TPD52: variants seen among roughly 807,000 people sequenced by gnomAD.
TPD52 encodes the protein prostate and colon associated protein.
TPD52 carries 17 observed loss-of-function variants against 31.3 expected under a neutral mutation model. That is an observed-to-expected ratio of 0.54 (90% CI 0.37 to 0.82). The LOEUF (loss-of-function observed/expected upper bound fraction) is 0.82. TPD52 is among the 40% of genes least tolerant of loss of function. TPD52 has a pLI of 0.00. For missense variants in TPD52, 212 were observed against 240.1 expected, an observed-to-expected ratio of 0.88 and a Z score of 0.77; for synonymous variants, 83 against 89.6, an observed-to-expected ratio of 0.93 and a Z score of 0.42.
At chr8:80,067,423 C>T (rs1813282791) in intron 1 of TPD52, 1 of 152,060 alleles carries the variant, frequency 6.6e-6, no homozygotes, top group African/African-American at 2.4e-5. Context: ...CCAAAATCAC[C>T]AGCAAAACAT....
chr8:80,072,365 GTACACATAGA>G (rs1563598016), intron 1 of TPD52, among the ~76,000 whole-genome samples: 2 of 141,670 alleles, frequency 1.4e-5, no homozygotes, highest in South Asian at 2.2e-4. Context: ...GTATATACAT[GTACACATAGA>G]TATGCGTGTA....
intron 1 of TPD52, among the ~76,000 whole-genome samples, chr8:80,115,914 T>C (rs901308581): frequency 2.0e-5 from 3 of 152,178 alleles, no homozygotes; most frequent in African/African-American, 7.2e-5. Flanking sequence ...TTGGAAGACA[T>C]ATGACAAAGG....
chr8:80,161,051 A>AGCGAGACTCTGT (rs1811329620), intron 1 of TPD52, among the ~76,000 whole-genome samples: 1 of 152,140 alleles, frequency 6.6e-6, no homozygotes. Context: ...TGGGCAACAG[A>AGCGAGACTCTGT]GCGAGACTCT....
chr8:80,077,998 T>G (rs529520732), intron 1 of TPD52, among the ~76,000 whole-genome samples: 5 of 152,338 alleles, frequency 3.3e-5, no homozygotes, highest in Non-Finnish European at 7.3e-5. Context: ...AAGGAGAAGT[T>G]CTGGTTCATA....
At chr8:80,065,682 T>A (rs1162531366) in intron 1 of TPD52, among the ~76,000 whole-genome samples, 1 of 152,210 alleles carries the variant, frequency 6.6e-6, no homozygotes, top group African/African-American at 2.4e-5. Flanking sequence ...AATTGAAGGA[T>A]CAGTATTGCT....
At chr8:80,161,728 A>ATT (rs1323023025) in intron 1 of TPD52, among the ~76,000 whole-genome samples, 24 of 122,072 alleles carry the variant, frequency 2.0e-4, no homozygotes, top group African/African-American at 7.8e-4. Context: ...ATATATATAT[A>ATT]TATATTTTTT....
chr8:80,161,332 A>G (rs1349469549), intron 1 of TPD52, among the ~76,000 whole-genome samples: 1 of 152,222 alleles, frequency 6.6e-6, no homozygotes, highest in Non-Finnish European at 1.5e-5. Context: ...ATATATTCCT[A>G]TCTCCCTGCC....
rs1453122701 is a variant in TPD52, at chr8:80,128,766, T to C, written c.19+42659A>G. ...ACTGGTAATATTAGATATTAAGATGTAATACTGTATCAGACAGTATTACCA... is the reference window on the plus strand; with the variant it reads ...ACTGGTAATATTAGATATTAAGATGCAATACTGTATCAGACAGTATTACCA... On this transcript the variant is annotated intron_variant, in intron 1 of 7. Coordinates refer to ENST00000518937, the MANE Select transcript of TPD52 (RefSeq NM_001025253.3). Among the ~76,000 whole-genome samples, 4 of 151,990 alleles carry C rather than the reference T, an allele frequency of 2.6e-5. No homozygotes were observed. In the East Asian group the frequency reaches 7.7e-4, roughly 29 times the overall value.
At chr8:80,118,400 C>T (rs1295141198) in intron 1 of TPD52, among the ~76,000 whole-genome samples, 2 of 152,080 alleles carry the variant, frequency 1.3e-5, no homozygotes, top group Non-Finnish European at 2.9e-5. Flanking sequence ...TTAGACAGGA[C>T]ACCAAAAGCA....
rs1335581320 is a variant in TPD52, at chr8:80,038,160, T to C, written c.580A>G (p.Thr194Ala). The C allele has an allele frequency of 1.2e-6, 2 of 1,614,096 alleles. No individual in the cohort carries two copies. The highest frequency in any genetic ancestry group is 1.7e-6 in the Non-Finnish European group (2 of 1,179,984). The stretch of plus-strand genomic sequence containing the variant: ...TTTTCTGGAAGAGGCTCCGTGGTGG[T>C]GGCACTAGCATTTGCAGCCGAATTC... The part of the protein sequence containing the change: ...VLNSAANASA[T>A]TTEPLPEKTQ... The change falls in exon 8 of 8, where the codon ACC becomes GCC. Residue 194 changes from threonine (T) to alanine (A), a missense_variant. Thr to Ala is a moderately conservative substitution (Grantham distance 58). Transcript: ENST00000518937.
At chr8:80,082,301 T>C (rs1001320909) in intron 1 of TPD52, among the ~76,000 whole-genome samples, 1 of 152,200 alleles carries the variant, frequency 6.6e-6, no homozygotes, top group African/African-American at 2.4e-5. Flanking sequence ...CATGGCCTCT[T>C]ACTGGGACAG....
chr8:80,077,893 TG>T (rs1208610886), intron 1 of TPD52, among the ~76,000 whole-genome samples: 5 of 152,374 alleles, frequency 3.3e-5, no homozygotes, highest in Non-Finnish European at 5.9e-5. Context: ...TTTCACACTA[TG>T]GGTTGTAAAA....
rs376949193 is a variant in TPD52, at chr8:80,067,210, G to A, written c.20-2617C>T. The A allele has an allele frequency of 3.9e-5, 6 of 152,274 alleles. No individual in the cohort carries two copies. The East Asian group carries it at 5.8e-4, about 15-fold the overall frequency. The allele number at this position is 152,274 out of a possible 1,614,324, so 9.4% of individuals were successfully genotyped here. Reference sequence around the variant, plus strand: ...TAAATCTCTCAGAAAAGAGGATGACGGGTTGTCCAGTTGGCTTCAAGTCTG... The same window carrying A: ...TAAATCTCTCAGAAAAGAGGATGACAGGTTGTCCAGTTGGCTTCAAGTCTG... On this transcript the variant is annotated intron_variant, in intron 1 of 7. Coordinates refer to ENST00000518937, the MANE Select transcript of TPD52 (RefSeq NM_001025253.3).
At chr8:80,050,959 T>C (rs1468930559) in intron 4 of TPD52, among the ~76,000 whole-genome samples, 1 of 151,276 alleles carries the variant, frequency 6.6e-6, no homozygotes, top group Non-Finnish European at 1.5e-5. Context: ...TGTGAAGTGG[T>C]TTTATAAAAA....
At chr8:80,157,875 C>T (rs551684845) in intron 1 of TPD52, among the ~76,000 whole-genome samples, 6 of 152,276 alleles carry the variant, frequency 3.9e-5, no homozygotes, top group African/African-American at 1.2e-4. Flanking sequence ...TCAAACTCTA[C>T]GATATCACTA....
chr8:80,071,171 T>G (rs1229090378), intron 1 of TPD52, among the ~76,000 whole-genome samples: 1 of 152,074 alleles, frequency 6.6e-6, no homozygotes, highest in African/African-American at 2.4e-5. Context: ...CATTTCAGAT[T>G]TCTAACCTCC....
intron 1 of TPD52, among the ~76,000 whole-genome samples, chr8:80,069,732 T>A (rs1043891178): frequency 1.3e-5 from 2 of 152,150 alleles, no homozygotes; most frequent in Non-Finnish European, 2.9e-5. Context: ...CAAAAAATAA[T>A]AGTAACATCT....
intron 1 of TPD52, among the ~76,000 whole-genome samples, chr8:80,111,933 T>G (rs1366906449): frequency 6.6e-6 from 1 of 152,262 alleles, no homozygotes; most frequent in Non-Finnish European, 1.5e-5. Flanking sequence ...ACATGCAATA[T>G]GTACAGTAAA....
In TPD52 at chr8:80,080,339, C is replaced by T. The variant is rs147106951; in HGVS notation, c.20-15746G>A. On this transcript the variant is annotated intron_variant, in intron 1 of 7. Coordinates refer to ENST00000518937, the MANE Select transcript of TPD52 (RefSeq NM_001025253.3). ...CCAAATTTCTGAAGAGTAGGTGATC[C>T]GGGTGGAGATGAATTTCCACTAGGA... The T allele has an allele frequency of 1.6e-5, 26 of 1,613,930 alleles. No individual in the cohort carries two copies. The highest frequency in any genetic ancestry group is 5.3e-5 in the African/African-American group (4 of 74,914).
Sources: gnomAD v4.1 joint callset for allele counts (sites outside exome capture counted in the v4.1 genomes callset) on GRCh38, gnomAD v4.1.1 for gene constraint, MANE v1.5 for transcripts, NCBI Gene and HGNC (gene_info 2026-07-23, HGNC 2026-07-21) for gene names.